SUMF1: variants seen among roughly 807,000 people sequenced by gnomAD.
SUMF1 encodes the protein formylglycine-generating enzyme.
Under a neutral mutation model 47.6 loss-of-function variants are expected in SUMF1, and 48 were observed. The ratio of observed to expected loss-of-function variants is 1.01; its 90% CI spans 0.80 to 1.28. The LOEUF (loss-of-function observed/expected upper bound fraction) is 1.28. Among genes scored for constraint, SUMF1 ranks in the 50% most tolerant of loss-of-function variants. The pLI is 0.00. For synonymous variants in SUMF1, 230 were observed against 192.1 expected, an observed-to-expected ratio of 1.20 and a Z score of -1.63; for missense variants, 571 against 485.4, an observed-to-expected ratio of 1.18 and a Z score of -1.66.
chr3:4,199,831 G>C (rs773818125), intron 8 of SUMF1, among the ~76,000 whole-genome samples: 2 of 151,966 alleles, frequency 1.3e-5, no homozygotes, highest in Non-Finnish European at 2.9e-5. Context: ...GAATCTTCAG[G>C]TTATTTAATT....
chr3:4,429,736 C>T (rs1702176060), intron 3 of SUMF1, among the ~76,000 whole-genome samples: 1 of 152,092 alleles, frequency 6.6e-6, no homozygotes, highest in Middle Eastern at 3.2e-3. Context: ...TGTTGCTGGC[C>T]CTTCAAACGA....
At chr3:4,402,126 G>T (rs1416577068) in intron 7 of SUMF1, among the ~76,000 whole-genome samples, 2 of 152,182 alleles carry the variant, frequency 1.3e-5, no homozygotes, top group African/African-American at 4.8e-5. Flanking sequence ...AGGGCAAGTG[G>T]AGGGCAGCTA....
chr3:4,042,545 G>A (rs1181080540), intron 9 of SUMF1, among the ~76,000 whole-genome samples: 1 of 152,106 alleles, frequency 6.6e-6, no homozygotes, highest in Non-Finnish European at 1.5e-5. Flanking sequence ...TCAGACTGGT[G>A]TCACTCTTGT....
chr3:4,456,915 C>A (rs530233626), intron 1 of SUMF1, among the ~76,000 whole-genome samples: 1 of 42,730 alleles, frequency 2.3e-5, no homozygotes, highest in Admixed American at 2.8e-4. Context: ...TATCTATATA[C>A]GTGTGTGTGT....
chr3:4,421,164 G>C (rs570085328), intron 3 of SUMF1, among the ~76,000 whole-genome samples: 2 of 152,296 alleles, frequency 1.3e-5, no homozygotes, highest in Admixed American at 6.5e-5. Flanking sequence ...ACAGGCTTTG[G>C]AGCCAGTCAA....
intron 9 of SUMF1, among the ~76,000 whole-genome samples, chr3:4,063,665 T>C (rs1695316717): frequency 6.6e-6 from 1 of 152,122 alleles, no homozygotes; most frequent in Admixed American, 6.6e-5. Context: ...CAAACTGATA[T>C]CACCAATAAA....
intron 8 of SUMF1, among the ~76,000 whole-genome samples, chr3:4,301,818 A>G (rs1697973826): frequency 6.6e-6 from 1 of 152,244 alleles, no homozygotes; most frequent in African/African-American, 2.4e-5. Flanking sequence ...CTCAATCATT[A>G]GCTGAATATG....
intron 8 of SUMF1, among the ~76,000 whole-genome samples, chr3:4,074,619 AG>A (rs1365707669): frequency 6.6e-6 from 1 of 152,100 alleles, no homozygotes; most frequent in African/African-American, 2.4e-5. Flanking sequence ...AGAAAAGAGA[AG>A]AATCAAATAG....
chr3:4,295,417 C>T (rs1697830414), intron 8 of SUMF1, among the ~76,000 whole-genome samples: 1 of 151,708 alleles, frequency 6.6e-6, no homozygotes. Flanking sequence ...TTCATCTTTG[C>T]TTTCAAAACT....
chr3:4,259,741 C>T (rs1282821268), intron 8 of SUMF1, among the ~76,000 whole-genome samples: 1 of 152,032 alleles, frequency 6.6e-6, no homozygotes, highest in African/African-American at 2.4e-5. Flanking sequence ...TGGCAAAAGG[C>T]AATTTTTAAA....
At chr3:4,206,694 A>G (rs978439215) in intron 8 of SUMF1, among the ~76,000 whole-genome samples, 1 of 152,112 alleles carries the variant, frequency 6.6e-6, no homozygotes, top group Non-Finnish European at 1.5e-5. Flanking sequence ...TTTGGTTCTC[A>G]TGGGGGTGCT....
intron 8 of SUMF1, among the ~76,000 whole-genome samples, chr3:4,308,475 G>A (rs1346960147): frequency 6.6e-6 from 1 of 152,182 alleles, no homozygotes. Context: ...GTAATATCTA[G>A]AAGAATTGAA....
intron 8 of SUMF1, among the ~76,000 whole-genome samples, chr3:4,166,280 T>C (rs1029976190): frequency 4.6e-5 from 7 of 152,086 alleles, no homozygotes; most frequent in Non-Finnish European, 1.0e-4. Context: ...CAGAGGACCA[T>C]ACCATGAGGG....
intron 8 of SUMF1, among the ~76,000 whole-genome samples, chr3:4,082,231 C>T (rs756010955): frequency 6.6e-6 from 1 of 151,976 alleles, no homozygotes; most frequent in Non-Finnish European, 1.5e-5. Context: ...ATTTTGGGAG[C>T]CCAAGGTGGG....
At chr3:4,256,251 G>A (rs1014248833) in intron 8 of SUMF1, among the ~76,000 whole-genome samples, 2 of 87,004 alleles carry the variant, frequency 2.3e-5, no homozygotes, top group Non-Finnish European at 4.6e-5. Flanking sequence ...CAGAAGGCAA[G>A]AAATAACTAA....
intron 8 of SUMF1, among the ~76,000 whole-genome samples, chr3:4,240,880 T>G (rs1696522372): frequency 6.6e-6 from 1 of 151,976 alleles, no homozygotes; most frequent in African/African-American, 2.4e-5. Flanking sequence ...CCTACGGAAC[T>G]GAAGTGTCAA....
intron 8 of SUMF1, among the ~76,000 whole-genome samples, chr3:4,133,336 A>G (rs1459313846): frequency 6.6e-6 from 1 of 152,092 alleles, no homozygotes; most frequent in Non-Finnish European, 1.5e-5. Flanking sequence ...CATAATTATG[A>G]CCTTATTATT....
intron 8 of SUMF1, among the ~76,000 whole-genome samples, chr3:4,179,151 C>T (rs1178050550): frequency 6.6e-6 from 1 of 152,162 alleles, no homozygotes; most frequent in African/African-American, 2.4e-5. Flanking sequence ...CATCAAGCTA[C>T]CGCTGACTTT....
chr3:4,055,432 C>T (rs1695174791), intron 9 of SUMF1, among the ~76,000 whole-genome samples: 1 of 152,032 alleles, frequency 6.6e-6, no homozygotes. Context: ...TTCCCACAAC[C>T]TTAGCAGCTT....
Sources: gnomAD v4.1 joint callset for allele counts (sites outside exome capture counted in the v4.1 genomes callset) on GRCh38, gnomAD v4.1.1 for gene constraint, MANE v1.5 for transcripts, NCBI Gene and HGNC (gene_info 2026-07-23, HGNC 2026-07-21) for gene names.